The following PIEZO2 variants were observed in gnomAD, a reference collection of about 807,000 sequenced individuals.
PIEZO2 encodes the protein piezo type mechanosensitive ion channel component 2.
In PIEZO2, 172 loss-of-function variants were observed where a neutral mutation model predicts 337.3. The observed-to-expected ratio is 0.51, with a 90% CI of 0.45 to 0.58. PIEZO2 has a LOEUF of 0.58. PIEZO2 is among the 20% of genes least tolerant of loss of function. The probability of loss-of-function intolerance (pLI) is 0.00; values close to 1 mark genes in which losing one functional copy is unlikely to be tolerated. For missense variants in PIEZO2, 3,028 were observed against 3,391.3 expected (o/e 0.89, Z 2.66); for synonymous variants, 1,251 against 1,228.5 (o/e 1.02, Z -0.38).
intron 38 of PIEZO2, 72 bp from the exon 39 acceptor site, chr18:10,715,002 C>A: frequency 1.4e-6 from 2 of 1,442,250 alleles, no homozygotes; most frequent in Admixed American, 2.1e-5. Flanking sequence ...CATTTCTCAA[C>A]ACAGACAGCT....
rs1285384876 is a variant in PIEZO2, at chr18:10,854,621, G to GT, written c.917+731dup. ...TTCTCATTTTCATAGTAAGGATTTGGTGTAATAGTCATCTCCAATCGAAGC... is the reference window on the plus strand; with the variant it reads ...TTCTCATTTTCATAGTAAGGATTTGGTTGTAATAGTCATCTCCAATCGAAGC... On this transcript the variant is annotated intron_variant, in intron 7 of 55. Transcript: ENST00000674853. This position sits in a 1 kb window ranked among gnomAD's most constrained non-coding sequence, Gnocchi z 4.6. Among the ~76,000 whole-genome samples, 1 of 152,154 alleles carries GT rather than the reference G, an allele frequency of 6.6e-6. No homozygotes were observed. The highest frequency in any genetic ancestry group is 1.5e-5 in the Non-Finnish European group (1 of 68,034).
rs187870055 is a variant in PIEZO2, at chr18:10,684,018, G to A, written c.7498-1726C>T. Among the ~76,000 whole-genome samples the A allele has an allele frequency of 3.3e-4, 50 of 151,592 alleles. No individual in the cohort carries two copies. The East Asian group carries it at 5.4e-3, about 16-fold the overall frequency. ...ACGCAGCCAATTTTCCCCTCCTCTC[G>A]AAATTTTCTCCCTTCCTTCCTTCCT... On this transcript the variant is annotated intron_variant, in intron 49 of 55. Transcript: ENST00000674853.
rs2040207200 is a variant in PIEZO2, at chr18:11,127,219, G to A, written c.64+21306C>T. 6.6e-6 allele frequency among the ~76,000 whole-genome samples: 1 copy of A among 152,170 alleles called. No homozygotes were observed. The highest frequency in any genetic ancestry group is 2.1e-4 in the South Asian group (1 of 4,824). ...GGGTGCGGAAAGAGGTCCCTGAGGA[G>A]GTGACATTTAGGCTGAGATATAGGA... On this transcript the variant is annotated intron_variant, in intron 1 of 55. Coordinates refer to ENST00000674853, the MANE Select transcript of PIEZO2 (RefSeq NM_001378183.1). The surrounding 1 kb of genome is among the most constrained non-coding windows in gnomAD (Gnocchi z 4.5).
At chr18:10,802,085 CAAAAA>C (rs58924448) in intron 9 of PIEZO2, among the ~76,000 whole-genome samples, 4 of 96,614 alleles carry the variant, frequency 4.1e-5, no homozygotes, top group Non-Finnish European at 6.1e-5. Flanking sequence ...GACTCCGTCT[CAAAAA>C]AAAAAAAAAA....
At position 11,077,419 on chromosome 18, in the gene PIEZO2, C is replaced by A. The variant is rs1448305399; in HGVS notation, c.65-11197G>T. ...TGGTGGCTCATGCCTACAATCCCAG[C>A]ACTTTGGGAGGCAGAGGCAGGAGGA... On this transcript the variant is annotated intron_variant, in intron 1 of 55. Coordinates refer to ENST00000674853, the MANE Select transcript of PIEZO2 (RefSeq NM_001378183.1). The surrounding 1 kb of genome is among the most constrained non-coding windows in gnomAD (Gnocchi z 4.8). Among the ~76,000 whole-genome samples the A allele has an allele frequency of 2.0e-5, 3 of 152,242 alleles. No homozygotes were observed. The South Asian group carries it at 6.2e-4, about 32-fold the overall frequency.
chr18:10,986,235 T>C lies in PIEZO2; in HGVS notation c.161-6575A>G, dbSNP rs2034865423. Among the ~76,000 whole-genome samples the C allele has an allele frequency of 2.0e-5, 3 of 152,184 alleles. No individual in the cohort carries two copies. In the East Asian group the frequency reaches 5.8e-4, roughly 29 times the overall value. ...AGGAAACACTTCCAAACTCATTCTA[T>C]GAGTCCAGCATTGCCTTGATATCAA... On this transcript the variant is annotated intron_variant, in intron 2 of 55. Transcript: ENST00000674853.
At chr18:10,868,188 C>T (rs1334815886) in intron 5 of PIEZO2, among the ~76,000 whole-genome samples, 2 of 152,200 alleles carry the variant, frequency 1.3e-5, no homozygotes, top group African/African-American at 4.8e-5. Context: ...TTCTCACAGG[C>T]ACCAGCAGAT....
intron 2 of PIEZO2, among the ~76,000 whole-genome samples, chr18:10,992,665 G>A (rs1232884540): frequency 1.3e-5 from 2 of 152,190 alleles, no homozygotes; most frequent in African/African-American, 4.8e-5. Flanking sequence ...GTACCGTGAT[G>A]CCTCCAGCTT....
chr18:10,855,592 A>C lies in PIEZO2; in HGVS notation c.704-26T>G, dbSNP rs78977374. The C allele has an allele frequency of 8.5e-3, 12,618 of 1,488,610 alleles. 748 individuals carry two copies. In the African/African-American group the frequency reaches 0.14, roughly 17 times the overall value. 92.2% of individuals were successfully genotyped at this position (1,488,610 alleles called of 1,614,324 possible). A position where few individuals can be genotyped will look rare whatever the true frequency, so the allele number is the denominator to read the frequency against. ...CTAAGGAAGAGAAACGTAATCACAAAGTCAGGTAGAACTGGAAATTCACTT... is the reference window on the plus strand; with the variant it reads ...CTAAGGAAGAGAAACGTAATCACAACGTCAGGTAGAACTGGAAATTCACTT... On this transcript the variant is annotated intron_variant, in intron 6 of 55. Transcript: ENST00000674853. The surrounding 1 kb of genome is among the most constrained non-coding windows in gnomAD (Gnocchi z 4.9).
In PIEZO2 at chr18:10,752,540, G is replaced by A. The variant is rs992889218; in HGVS notation, c.4167+96C>T. On this transcript the variant is annotated intron_variant, in intron 28 of 55. Transcript: ENST00000674853. ...GCATCTTATTGGGGCTTTTAAGAGA[G>A]CAACATGACAAGCACTGGGCTTTTA... 4.4e-6 allele frequency: 6 copies of A among 1,361,134 alleles called. No individual in the cohort carries two copies. In the African/African-American group the frequency reaches 7.3e-5, roughly 17 times the overall value. The allele number at this position is 1,361,134 out of a possible 1,614,324, so 84.3% of individuals were successfully genotyped here. A position where few individuals can be genotyped will look rare whatever the true frequency, so the allele number is the denominator to read the frequency against.
Position 10,791,182 on chromosome 18 carries a change from CACATAT to C in PIEZO2, c.1882+13_1882+18del. 1 of 1,526,206 alleles carries C rather than the reference CACATAT, an allele frequency of 6.6e-7. No homozygotes were observed. The allele number at this position is 1,526,206 out of a possible 1,614,324, so 94.5% of individuals were successfully genotyped here. On this transcript the variant is annotated intron_variant, in intron 14 of 55. Transcript: ENST00000674853. ...TGCTGAGCACCAAACTCTCCAGCCACACATATACACTAATTTACCTTTTTCTTCATT... is the reference window on the plus strand; with the variant it reads ...TGCTGAGCACCAAACTCTCCAGCCACACACTAATTTACCTTTTTCTTCATT...
intron 2 of PIEZO2, among the ~76,000 whole-genome samples, chr18:11,022,769 T>G (rs2036360669): frequency 6.6e-6 from 1 of 152,216 alleles, no homozygotes; most frequent in Non-Finnish European, 1.5e-5. Context: ...AACTCTAGGC[T>G]ATTTTGTCCA....
In PIEZO2 at chr18:10,953,916, A is replaced by G. The variant is rs264179; in HGVS notation, c.286+25619T>C. Reference sequence around the variant, plus strand: ...AGGACGATACTGCCTTGTTTTAATGATTTGCGGCTGGCAGGGAACTGAAGT... The same window carrying G: ...AGGACGATACTGCCTTGTTTTAATGGTTTGCGGCTGGCAGGGAACTGAAGT... On this transcript the variant is annotated intron_variant, in intron 3 of 55. Coordinates refer to ENST00000674853, the MANE Select transcript of PIEZO2 (RefSeq NM_001378183.1). The surrounding 1 kb of genome is among the most constrained non-coding windows in gnomAD (Gnocchi z 5.2). Among the ~76,000 whole-genome samples, 64,216 of 151,928 alleles carry G rather than the reference A, an allele frequency of 0.42. 14,422 individuals are homozygous for G. The highest frequency in any genetic ancestry group is 0.51 in the Non-Finnish European group (34,680 of 67,958).
intron 2 of PIEZO2, among the ~76,000 whole-genome samples, chr18:11,036,609 ATATTT>A (rs1277582144): frequency 6.6e-6 from 1 of 151,674 alleles, no homozygotes; most frequent in African/African-American, 2.4e-5. Flanking sequence ...AAATATATAC[ATATTT>A]TATTTTATAT....
chr18:10,804,038 C>T (rs2039915335), intron 8 of PIEZO2, 44 bp from the exon 9 acceptor site: 3 of 1,529,080 alleles, frequency 2.0e-6, no homozygotes, highest in Non-Finnish European at 2.6e-6. Flanking sequence ...TGAGGCAGTT[C>T]CCTAGACAGC....
At chr18:10,957,561 GCTA>G (rs1379623760) in intron 3 of PIEZO2, among the ~76,000 whole-genome samples, 1 of 152,134 alleles carries the variant, frequency 6.6e-6, no homozygotes, top group African/African-American at 2.4e-5. Context: ...AAATTGTAAA[GCTA>G]CTAGAAGAAA....
rs2146146848 is a variant in PIEZO2 at position 11,111,610 on chromosome 18, T to C, written c.64+36915A>G. On this transcript the variant is annotated intron_variant, in intron 1 of 55. Transcript: ENST00000674853. This position sits in a 1 kb window ranked among gnomAD's most constrained non-coding sequence, Gnocchi z 6.2. The stretch of plus-strand genomic sequence containing the variant: ...CTGTAGGGACTTTAACTCAAGAGTC[T>C]TGATCCAGTTCTTCTCCTGCCACCC... Among the ~76,000 whole-genome samples, 1 of 152,204 alleles carries C rather than the reference T, an allele frequency of 6.6e-6. No homozygotes were observed. Among genetic ancestry groups the C allele is most frequent in the South Asian group, 2.1e-4 (1 of 4,826 alleles).
At chr18:10,838,021 T>C (rs1598560579) in intron 7 of PIEZO2, among the ~76,000 whole-genome samples, 1 of 152,084 alleles carries the variant, frequency 6.6e-6, no homozygotes, top group Admixed American at 6.6e-5. Context: ...CAAAGTTCTG[T>C]GTTTACAGGC....
intron 4 of PIEZO2, among the ~76,000 whole-genome samples, chr18:10,891,166 A>G (rs1216780068): frequency 6.6e-6 from 1 of 152,156 alleles, no homozygotes; most frequent in Non-Finnish European, 1.5e-5. Context: ...TCTATTAAAA[A>G]TACAAAAATT....
Sources: gnomAD v4.1 joint callset for allele counts (sites outside exome capture counted in the v4.1 genomes callset) on GRCh38, gnomAD v4.1.1 for gene constraint, Gnocchi (gnomAD v3.1) non-coding constraint, MANE v1.5 for transcripts, NCBI Gene and HGNC (gene_info 2026-07-23, HGNC 2026-07-21) for gene names.